RALY: variants seen among roughly 807,000 people sequenced by gnomAD.
The protein encoded by RALY is RALY heterogeneous nuclear ribonucleoprotein.
Under a neutral mutation model 30.7 loss-of-function variants are expected in RALY, and 15 were observed. That is an observed-to-expected ratio of 0.49 (90% CI 0.33 to 0.75). The LOEUF (loss-of-function observed/expected upper bound fraction) is 0.75, where lower values mean the gene tolerates loss of function less well. RALY is among the 30% of genes least tolerant of loss of function. The pLI is 0.02. For missense variants in RALY, 339 were observed against 414.3 expected (o/e 0.82, Z 1.58); for synonymous variants, 177 against 170.8 (o/e 1.04, Z -0.28).
At chr20:34,009,332 G>A (rs531981431) in intron 1 of RALY, among the ~76,000 whole-genome samples, 9 of 151,736 alleles carry the variant, frequency 5.9e-5, no homozygotes, top group Middle Eastern at 3.4e-3. Context: ...TCTGCCTCCC[G>A]GGTTCAAGTA....
At chr20:34,076,983 C>G (rs1382717590) in intron 7 of RALY, 45 bp from the exon 8 acceptor site, 1 of 1,609,736 alleles carries the variant, frequency 6.2e-7, no homozygotes, top group Non-Finnish European at 8.5e-7. Context: ...GACAGCTACC[C>G]CAGGCTGAGT....
At chr20:34,071,583 A>G in intron 2 of RALY, among the ~76,000 whole-genome samples, 1 of 152,004 alleles carries the variant, frequency 6.6e-6, no homozygotes, top group East Asian at 1.9e-4. Context: ...CGGCCCCTGC[A>G]ATTTTCATCA....
At chr20:33,996,405 T>TA (rs2030632337) in intron 1 of RALY, among the ~76,000 whole-genome samples, 1 of 152,196 alleles carries the variant, frequency 6.6e-6, no homozygotes. Context: ...ATTAAGTACT[T>TA]AACGTGTACC....
At chr20:34,042,398 C>G (rs1415713600) in intron 2 of RALY, among the ~76,000 whole-genome samples, 1 of 152,174 alleles carries the variant, frequency 6.6e-6, no homozygotes, top group Non-Finnish European at 1.5e-5. Context: ...GGTGCCCTGA[C>G]TCTCTGCCTG....
intron 2 of RALY, among the ~76,000 whole-genome samples, chr20:34,064,081 A>G (rs2033496925): frequency 6.6e-6 from 1 of 152,156 alleles, no homozygotes; most frequent in African/African-American, 2.4e-5. Context: ...TTATAATTAC[A>G]ATCAGATGGA....
intron 1 of RALY, among the ~76,000 whole-genome samples, chr20:34,001,164 C>T (rs1191804765): frequency 6.6e-6 from 1 of 152,176 alleles, no homozygotes. Context: ...CCATTATAAA[C>T]TTGGAGCTGT....
intron 1 of RALY, among the ~76,000 whole-genome samples, chr20:34,023,046 C>G (rs746286256): frequency 6.6e-6 from 1 of 152,098 alleles, no homozygotes; most frequent in African/African-American, 2.4e-5. Flanking sequence ...GAACAGACCC[C>G]GTCAGCAAGG....
chr20:34,037,445 G>C (rs78347405), intron 2 of RALY, among the ~76,000 whole-genome samples: 1 of 152,150 alleles, frequency 6.6e-6, no homozygotes, highest in Non-Finnish European at 1.5e-5. Flanking sequence ...AGTGGCTTTT[G>C]GGGGACCATT....
At chr20:34,071,042 G>C (rs1265171887) in intron 2 of RALY, among the ~76,000 whole-genome samples, 1 of 152,098 alleles carries the variant, frequency 6.6e-6, no homozygotes, top group Non-Finnish European at 1.5e-5. Context: ...CTAAACACCA[G>C]ATCTCACGAG....
intron 2 of RALY, among the ~76,000 whole-genome samples, chr20:34,055,135 T>C (rs1239352125): frequency 6.6e-6 from 1 of 152,174 alleles, no homozygotes; most frequent in Non-Finnish European, 1.5e-5. Context: ...ATAGCAGAGC[T>C]GGGATTTGAA....
intron 2 of RALY, among the ~76,000 whole-genome samples, chr20:34,052,438 C>A (rs780341671): frequency 1.3e-5 from 2 of 152,204 alleles, no homozygotes; most frequent in Non-Finnish European, 2.9e-5. Flanking sequence ...AAGTCTAAAT[C>A]TCAGGGTGCC....
At chr20:34,027,789 A>G (rs757289205) in intron 1 of RALY, among the ~76,000 whole-genome samples, 1 of 152,248 alleles carries the variant, frequency 6.6e-6, no homozygotes, top group Non-Finnish European at 1.5e-5. Context: ...TACAAGAAGA[A>G]CCATAAAAGA....
chr20:34,061,299 A>T (rs2033410059), intron 2 of RALY, among the ~76,000 whole-genome samples: 1 of 152,192 alleles, frequency 6.6e-6, no homozygotes, highest in Non-Finnish European at 1.5e-5. Context: ...TAGTCTCCCT[A>T]TCCCCTTCTC....
chr20:33,995,100 A>AG (rs2030548101), intron 1 of RALY, among the ~76,000 whole-genome samples: 1 of 152,166 alleles, frequency 6.6e-6, no homozygotes, highest in African/African-American at 2.4e-5. Flanking sequence ...CCATTTAATT[A>AG]GGGGCATAAC....
chr20:34,042,332 A>G (rs1225379230), intron 2 of RALY, among the ~76,000 whole-genome samples: 1 of 152,224 alleles, frequency 6.6e-6, no homozygotes, highest in Non-Finnish European at 1.5e-5. Context: ...TCATTGTTAA[A>G]TTGAAGCCCA....
chr20:34,031,917 G>A (rs1156240232), intron 2 of RALY, among the ~76,000 whole-genome samples: 2 of 152,134 alleles, frequency 1.3e-5, no homozygotes, highest in African/African-American at 4.8e-5. Context: ...GGACCTGGCG[G>A]CTATACCTGT....
intron 2 of RALY, among the ~76,000 whole-genome samples, chr20:34,048,346 A>G (rs982622902): frequency 2.0e-5 from 3 of 152,008 alleles, no homozygotes; most frequent in African/African-American, 7.2e-5. Flanking sequence ...TATGCTATGG[A>G]GCATATAGCT....
Position 34,076,014 on chromosome 20 carries a change from T to C in RALY, c.518T>C (p.Val173Ala). The stretch of plus-strand genomic sequence containing the variant: ...AAGCTCTTTGCCCGCTCCACAGCTG[T>C]CACCACCAGCTCAGCCAAGATCAAG... ...PVKLFARSTA[V>A]TTSSAKIKLK... is the part of the protein sequence containing the mutation. Residue 173 changes from valine (V) to alanine (A), a missense_variant, in exon 6 of 10, where the codon GTC becomes GCC. This residue lies in a region of RALY where 268 missense variants were observed against 280.6 expected (regional missense o/e 0.95). Transcript: ENST00000246194. 6.2e-7 allele frequency: 1 copy of C among 1,614,168 alleles called. No individual in the cohort carries two copies. Among genetic ancestry groups the C allele is most frequent in the Non-Finnish European group, 8.5e-7 (1 of 1,179,980 alleles).
intron 2 of RALY, among the ~76,000 whole-genome samples, chr20:34,066,827 A>C (rs1330410588): frequency 6.6e-6 from 1 of 152,134 alleles, no homozygotes; most frequent in Non-Finnish European, 1.5e-5. Context: ...GATTTGGTGG[A>C]GGAGGCACAT....
Sources: allele counts gnomAD v4.1 joint callset (sites outside exome capture counted in the v4.1 genomes callset), GRCh38; gene constraint gnomAD v4.1.1; regional missense constraint gnomAD v4.1.1; transcripts MANE v1.5; gene names NCBI Gene and HGNC (gene_info 2026-07-23, HGNC 2026-07-21).